Variants in NPC1 observed in about 807,000 individuals in gnomAD.
NPC1 encodes the protein NPC intracellular cholesterol transporter 1, also known as Niemann-Pick C1 protein.
Under a neutral mutation model 140.4 loss-of-function variants are expected in NPC1, and 85 were observed. That is an observed-to-expected ratio of 0.61 (90% CI 0.51 to 0.72). NPC1 has a LOEUF of 0.72. Among genes scored for constraint, NPC1 ranks in the 30% least tolerant of loss-of-function variants. NPC1 has a pLI of 0.00. For synonymous variants in NPC1, 656 were observed against 624.8 expected (o/e 1.05, Z -0.74); for missense variants, 1,504 against 1,623.8 (o/e 0.93, Z 1.27).
intron 1 of NPC1, chr18:23,582,049 G>T (rs985546749): frequency 6.6e-6 from 1 of 152,186 alleles, no homozygotes; most frequent in Non-Finnish European, 1.5e-5. Flanking sequence ...TGAGCAGGAG[G>T]AAAGAGTAGA....
At chr18:23,574,968 C>G (rs536371712) in intron 1 of NPC1, among the ~76,000 whole-genome samples, 3 of 152,232 alleles carry the variant, frequency 2.0e-5, no homozygotes, top group African/African-American at 7.2e-5. Flanking sequence ...CATTATCCAT[C>G]TAACTAAAGT....
chr18:23,543,055 C>T (rs561021742), intron 14 of NPC1, among the ~76,000 whole-genome samples: 33 of 152,186 alleles, frequency 2.2e-4, no homozygotes, highest in African/African-American at 6.5e-4. Context: ...GGGCTGGGCA[C>T]GGGGGCTCAC....
downstream of NPC1, chr18:23,528,838 A>G: frequency 5.7e-6 from 1 of 175,368 alleles, no homozygotes; most frequent in Non-Finnish European, 1.2e-5. Context: ...GCAAGTTCTC[A>G]GGCTACACCC....
chr18:23,513,015 G>A (rs989758608), intron 3 of NPC1, among the ~76,000 whole-genome samples: 3 of 151,802 alleles, frequency 2.0e-5, no homozygotes, highest in Admixed American at 1.3e-4. Context: ...GTGCAGTGGC[G>A]TGATCTCAGC....
Position 23,541,195 on chromosome 18 carries a change from T to C in NPC1, c.2387A>G (p.Asp796Gly). 1.2e-6 allele frequency: 2 copies of C among 1,614,226 alleles called. No homozygotes were observed. The highest frequency in any genetic ancestry group is 4.5e-5 in the East Asian group (2 of 44,886). Residue 796 changes from aspartate to glycine, a missense_variant, in exon 16 of 25, where the codon GAC becomes GGC. Physicochemically the swap from Asp to Gly is moderately conservative, Grantham distance 94 (BLOSUM62 -1). Transcript: ENST00000269228. ...AGCACCTCTGACACAGCAAAAGATGTCTAGCCGATTTTTCTGAGGGGACAG... is the reference window on the plus strand; with the variant it reads ...AGCACCTCTGACACAGCAAAAGATGCCTAGCCGATTTTTCTGAGGGGACAG... ...DIKRQEKNRL[D>G]IFCCVRGAED...
At chr18:23,535,355 A>G (rs1598936633) in intron 22 of NPC1, 114 bp downstream of exon 22, 2 of 802,966 alleles carry the variant, frequency 2.5e-6, no homozygotes, top group Non-Finnish European at 4.2e-6. Flanking sequence ...GCCAAGAGCA[A>G]GCGCCAGACT....
chr18:23,557,056 G>A (rs2058964135), intron 7 of NPC1, 61 bp downstream of exon 7: 5 of 1,382,246 alleles, frequency 3.6e-6, no homozygotes, highest in South Asian at 3.5e-5. Context: ...CTGAGGAAAC[G>A]AATGCTCTCA....
downstream of NPC1, chr18:23,526,523 T>C (rs919336480): frequency 6.2e-5 from 79 of 1,268,288 alleles, no homozygotes; most frequent in Non-Finnish European, 8.3e-5. Flanking sequence ...GACTGTACTT[T>C]GCGGCTTTTT....
chr18:23,583,273 AGAG>A (rs1228496972), intron 1 of NPC1, among the ~76,000 whole-genome samples: 2 of 152,200 alleles, frequency 1.3e-5, no homozygotes, highest in Admixed American at 1.3e-4. Flanking sequence ...CCAATTTTAC[AGAG>A]GAGGAAACTG....
In NPC1 at chr18:23,532,047, T is replaced by G; in HGVS notation, c.*155A>C. 1.3e-6 allele frequency: 2 copies of G among 1,578,230 alleles called. No individual in the cohort carries two copies. The highest frequency in any genetic ancestry group is 1.7e-6 in the Non-Finnish European group (2 of 1,163,934). On this transcript the variant is annotated 3_prime_UTR_variant, in exon 25 of 25. Coordinates refer to ENST00000269228, the MANE Select transcript of NPC1 (RefSeq NM_000271.5). ...ACTGCTTCCCAAGTCAACTGTGCAT[T>G]CCTGAGTTCACAGGCGCTACGTTCA...
downstream of NPC1, chr18:23,529,557 G>C (rs1341899823): frequency 8.8e-6 from 12 of 1,358,306 alleles, no homozygotes; most frequent in South Asian, 7.1e-5. Context: ...GAAACAAGGT[G>C]GGGGTTGGAT....
At chr18:23,557,313 C>T in intron 6 of NPC1, 123 bp from the exon 7 acceptor site, 1 of 745,268 alleles carries the variant, frequency 1.3e-6, no homozygotes, top group Non-Finnish European at 2.4e-6. Flanking sequence ...TCCCTAATTA[C>T]TGCCTTCTTT....
At chr18:23,536,925 T>C (rs2058639720) in intron 20 of NPC1, 49 bp from the exon 21 acceptor site, 2 of 1,498,356 alleles carry the variant, frequency 1.3e-6, no homozygotes, top group Admixed American at 3.5e-5. Flanking sequence ...TTGCAAAATA[T>C]CAGCAGAATC....
At chr18:23,538,916 TCTC>T (rs750240548) in intron 19 of NPC1, 290 of 525,918 alleles carry the variant, frequency 5.5e-4, no homozygotes, top group Non-Finnish European at 8.3e-4. Context: ...CTGAAGTAGA[TCTC>T]CTCCTTCAAG....
chr18:23,520,417 CAG>C (rs927634324), downstream of NPC1: 16 of 908,106 alleles, frequency 1.8e-5, no homozygotes, highest in Admixed American at 5.2e-5. Flanking sequence ...GAGGAATAAA[CAG>C]AGATTCCCAG....
chr18:23,563,368 G>A (rs753813447), intron 4 of NPC1, among the ~76,000 whole-genome samples: 5 of 152,108 alleles, frequency 3.3e-5, no homozygotes, highest in South Asian at 2.1e-4. Flanking sequence ...CTATACTTTC[G>A]TCTTGTGAGT....
intron 1 of NPC1, among the ~76,000 whole-genome samples, chr18:23,579,751 A>C (rs2059335285): frequency 6.6e-6 from 1 of 152,022 alleles, no homozygotes; most frequent in Non-Finnish European, 1.5e-5. Flanking sequence ...TTAGCCGGGC[A>C]TGGTGGCAGG....
At chr18:23,545,279 G>T (rs1005954547) in intron 11 of NPC1, 130 bp from the exon 12 acceptor site, 5 of 706,156 alleles carry the variant, frequency 7.1e-6, no homozygotes, top group Non-Finnish European at 1.2e-5. Flanking sequence ...TTCTCGCTCT[G>T]TCGCCCAGGC....
chr18:23,507,922 A>AGTATGT (rs2057754628), intron 3 of NPC1: 6 of 1,488,652 alleles, frequency 4.0e-6, no homozygotes, highest in Non-Finnish European at 2.8e-6. Context: ...TAGTATGCCA[A>AGTATGT]CGTAGGTTGG....
Sources: allele counts gnomAD v4.1 joint callset (sites outside exome capture counted in the v4.1 genomes callset), GRCh38; gene constraint gnomAD v4.1.1; transcripts MANE v1.5; gene names NCBI Gene and HGNC (gene_info 2026-07-23, HGNC 2026-07-21).